SLC25A25: variants seen among roughly 807,000 people sequenced by gnomAD.
SLC25A25 encodes mitochondrial adenyl nucleotide antiporter SLC25A25.
SLC25A25 carries 32 observed loss-of-function variants against 57.7 expected under a neutral mutation model. The observed-to-expected ratio is 0.55, with a 90% confidence interval of 0.42 to 0.74. The LOEUF (loss-of-function observed/expected upper bound fraction) is 0.74. SLC25A25 is among the 30% of genes least tolerant of loss of function. The probability of loss-of-function intolerance (pLI) is 0.00; values close to 1 mark genes in which losing one functional copy is unlikely to be tolerated. For missense variants in SLC25A25, 556 were observed against 701.3 expected, an observed-to-expected ratio of 0.79 and a Z score of 2.34; for synonymous variants, 306 against 291.2, an observed-to-expected ratio of 1.05 and a Z score of -0.52.
chr9:128,106,238 G>A lies in SLC25A25; in HGVS notation c.1025G>A (p.Ser342Asn). 6.2e-7 allele frequency: 1 copy of A among 1,614,190 alleles called. No homozygotes were observed. Among genetic ancestry groups the A allele is most frequent in the Non-Finnish European group, 8.5e-7 (1 of 1,180,032 alleles). Residue 342 changes from serine (S) to asparagine (N), a missense_variant, in exon 8 of 11, where the codon AGC becomes AAC. Physicochemically the swap from Ser to Asn is conservative, Grantham distance 46. Around this residue, in one of 3 missense-constraint regions of SLC25A25, gnomAD observed 294 missense variants for 389.6 expected, o/e 0.75. Coordinates refer to ENST00000373069, the MANE Select transcript of SLC25A25 (RefSeq NM_001330988.2). Reference protein sequence around the residue: ...AGSLAGAIAQSSIYPMEVLKT... With the variant: ...AGSLAGAIAQNSIYPMEVLKT... ...TCCTTGGCAGGGGCCATCGCCCAGA[G>A]CAGCATCTACCCAATGGAGGTGAGG...
chr9:128,106,550 C>T (rs1265798719), intron 9 of SLC25A25, 30 bp downstream of exon 9: 1 of 1,556,858 alleles, frequency 6.4e-7, no homozygotes, highest in Admixed American at 1.9e-5. Flanking sequence ...GATTTAGAAA[C>T]CTCCTCCCAG....
intron 1 of SLC25A25, chr9:128,091,969 A>T: frequency 6.2e-7 from 1 of 1,613,988 alleles, no homozygotes. Context: ...GAGGCACCCC[A>T]GCCCCTGCCT....
intron 1 of SLC25A25, among the ~76,000 whole-genome samples, chr9:128,083,676 A>ATTTTTTTTTTTTT (rs11367855): frequency 7.0e-6 from 1 of 143,190 alleles, no homozygotes. Flanking sequence ...CGCCCAGCGA[A>ATTTTTTTTTTTTT]TTTTTTTTTT....
rs1051236099 is a variant in SLC25A25, at chr9:128,103,305, T to G, written c.625-376T>G. On this transcript the variant is annotated intron_variant, in intron 5 of 10. Transcript: ENST00000373069. This position sits in a 1 kb window ranked among gnomAD's most constrained non-coding sequence, Gnocchi z 6.7. ...GCGTGATCTGGTTACACGTGAGATCTCAGACGGCTCTCACCCCGGCCTGAT... is the reference window on the plus strand; with the variant it reads ...GCGTGATCTGGTTACACGTGAGATCGCAGACGGCTCTCACCCCGGCCTGAT... 4.6e-5 allele frequency among the ~76,000 whole-genome samples: 7 copies of G among 152,198 alleles called. No individual in the cohort carries two copies. The highest frequency in any genetic ancestry group is 3.3e-4 in the Admixed American group (5 of 15,282).
At position 128,103,682 on chromosome 9, in the gene SLC25A25, T is replaced by C; in HGVS notation, c.626T>C (p.Ile209Thr). 6.2e-7 allele frequency: 1 copy of C among 1,614,100 alleles called. No homozygotes were observed. Among genetic ancestry groups the C allele is most frequent in the Non-Finnish European group, 8.5e-7 (1 of 1,179,998 alleles). Residue 209 changes from isoleucine to threonine, a missense_variant and splice_region_variant, in exon 6 of 11, where the codon ATC becomes ACC. This residue lies in a region of SLC25A25 where 14 missense variants were observed against 38.2 expected (regional missense o/e 0.37). Coordinates refer to ENST00000373069, the MANE Select transcript of SLC25A25 (RefSeq NM_001330988.2). This position sits in a 1 kb window ranked among gnomAD's most constrained non-coding sequence, Gnocchi z 6.7. Reference protein sequence around the residue: ...EIILYWKHSTIFDVGENLTVP... With the variant: ...EIILYWKHSTTFDVGENLTVP... ...GGCTTGTGCCATCTTTCCTCACAGA[T>C]CTTTGATGTGGGTGAGAATCTAACG...
chr9:128,075,606 C>T (rs1238128671), intron 1 of SLC25A25, among the ~76,000 whole-genome samples: 1 of 152,144 alleles, frequency 6.6e-6, no homozygotes, highest in African/African-American at 2.4e-5. Context: ...CTTTGGGAGG[C>T]TGAGGCAGGC....
rs1304363083 is a variant in SLC25A25, at chr9:128,107,287, C to A, written c.1391C>A (p.Thr464Asn). 6.3e-7 allele frequency: 1 copy of A among 1,581,964 alleles called. No individual in the cohort carries two copies. Among genetic ancestry groups the A allele is most frequent in the African/African-American group, 1.3e-5 (1 of 74,228 alleles). Reference protein sequence around the residue: ...QASIEGAPEVTMSSLFKHILR... With the variant: ...QASIEGAPEVNMSSLFKHILR... ...TCTATTGAGGGCGCTCCGGAGGTGA[C>A]CATGAGCAGCCTCTTCAAACATATC... The change falls in exon 11 of 11, where the codon ACC becomes AAC. Residue 464 changes from threonine (T) to asparagine (N), a missense_variant. By Grantham distance (65) the Thr-to-Asn change is moderately conservative. Transcript: ENST00000373069.
rs373056648 is a variant in SLC25A25, at chr9:128,105,785, T to C, written c.840T>C (p.Ile280=). ...TCGTTGGTGGCTTCACTCAGATGAT[T>C]CGAGAAGGAGGGGCCAGGTCACTCT... ...MGIVGGFTQM[I]REGGARSLWR... The change falls in exon 7 of 11, where the codon ATT becomes ATC. Residue 280 remains isoleucine, a synonymous_variant. Transcript: ENST00000373069. The C allele has an allele frequency of 9.1e-5, 147 of 1,613,924 alleles. No individual in the cohort carries two copies. The highest frequency in any genetic ancestry group is 1.1e-4 in the Non-Finnish European group (131 of 1,180,044).
chr9:128,091,973 C>T lies in SLC25A25; in HGVS notation c.262-9123C>T, dbSNP rs775001565. 1.7e-5 allele frequency: 27 copies of T among 1,613,960 alleles called. No individual in the cohort carries two copies. In the South Asian group the frequency reaches 2.7e-4, roughly 16 times the overall value. On this transcript the variant is annotated intron_variant, in intron 1 of 10. Coordinates refer to ENST00000373069, the MANE Select transcript of SLC25A25 (RefSeq NM_001330988.2). ...TCGTGAAGTCAGAGGCACCCCAGCC[C>T]CTGCCTGGAGAGACCAGATGGCAAG...
intron 1 of SLC25A25, among the ~76,000 whole-genome samples, chr9:128,078,163 G>C (rs796929961): frequency 5.3e-5 from 8 of 152,240 alleles, no homozygotes; most frequent in African/African-American, 1.9e-4. Context: ...TTGTTGGTAT[G>C]AGGACCTACT....
Position 128,108,410 on chromosome 9 carries a change from A to G in SLC25A25, c.*966A>G. The G allele has an allele frequency of 2.5e-6, 1 of 397,208 alleles. No individual in the cohort carries two copies. Among genetic ancestry groups the G allele is most frequent in the Non-Finnish European group, 4.4e-6 (1 of 225,418 alleles). 24.6% of individuals were successfully genotyped at this position (397,208 alleles called of 1,614,324 possible). The stretch of plus-strand genomic sequence containing the variant: ...AGACGAGGGAGCAGGAGCTTGGCTG[A>G]CTGCTCAGAGTCTGTTCTGACGCCC... On this transcript the variant is annotated 3_prime_UTR_variant, in exon 11 of 11. Coordinates refer to ENST00000373069, the MANE Select transcript of SLC25A25 (RefSeq NM_001330988.2).
chr9:128,091,550 T>TC (rs1833404781), intron 1 of SLC25A25: 1 of 324,868 alleles, frequency 3.1e-6, no homozygotes, highest in Non-Finnish European at 4.3e-6. Flanking sequence ...CCTTTTCTTT[T>TC]TTTTTTTTTT....
At chr9:128,072,642 C>T (rs1832931375) in intron 1 of SLC25A25, among the ~76,000 whole-genome samples, 1 of 152,136 alleles carries the variant, frequency 6.6e-6, no homozygotes, top group Non-Finnish European at 1.5e-5. Flanking sequence ...CGTTGGCAGC[C>T]AGCCAGGGAA....
intron 1 of SLC25A25, among the ~76,000 whole-genome samples, chr9:128,082,139 C>A (rs911335890): frequency 2.0e-5 from 3 of 152,182 alleles, no homozygotes; most frequent in African/African-American, 7.2e-5. Flanking sequence ...AGAAGCCATC[C>A]ACAAGACTGA....
chr9:128,079,710 G>GA (rs1833102900), intron 1 of SLC25A25, among the ~76,000 whole-genome samples: 1 of 150,486 alleles, frequency 6.6e-6, no homozygotes, highest in Admixed American at 6.6e-5. Flanking sequence ...AACCCAGGAG[G>GA]GGCCAGGCGC....
intron 1 of SLC25A25, among the ~76,000 whole-genome samples, chr9:128,080,449 C>T (rs1398691707): frequency 6.8e-6 from 1 of 148,034 alleles, no homozygotes; most frequent in Non-Finnish European, 1.5e-5. Context: ...TTAAAACCAG[C>T]TATGGTACAC....
intron 1 of SLC25A25, chr9:128,091,862 G>C: frequency 6.2e-7 from 1 of 1,604,306 alleles, no homozygotes; most frequent in Non-Finnish European, 8.5e-7. Context: ...GCGTTTGGAG[G>C]AGACCGTGAT....
Position 128,107,297 on chromosome 9 carries a change from C to T in SLC25A25, c.1401C>T (p.Ser467=), listed in dbSNP as rs371151024. Residue 467 remains serine, a synonymous_variant, in exon 11 of 11, where the codon AGC becomes AGT. Coordinates refer to ENST00000373069, the MANE Select transcript of SLC25A25 (RefSeq NM_001330988.2). Reference sequence around the variant, plus strand: ...GCGCTCCGGAGGTGACCATGAGCAGCCTCTTCAAACATATCCTGCGGACCG... The same window carrying T: ...GCGCTCCGGAGGTGACCATGAGCAGTCTCTTCAAACATATCCTGCGGACCG... ...IEGAPEVTMS[S]LFKHILRTEG... is the part of the protein sequence containing the mutation. The T allele has an allele frequency of 3.2e-6, 5 of 1,576,706 alleles. No individual in the cohort carries two copies. The African/African-American group carries it at 6.7e-5, about 21-fold the overall frequency.
intron 1 of SLC25A25, among the ~76,000 whole-genome samples, chr9:128,100,346 G>C (rs527353594): frequency 1.3e-4 from 20 of 150,998 alleles, no homozygotes; most frequent in South Asian, 8.4e-4. Context: ...AGGCGGGGGC[G>C]GGGGGGGTTA....
Sources: allele counts gnomAD v4.1 joint callset (sites outside exome capture counted in the v4.1 genomes callset), GRCh38; gene constraint gnomAD v4.1.1; regional missense constraint gnomAD v4.1.1; non-coding constraint Gnocchi (gnomAD v3.1); transcripts MANE v1.5; gene names NCBI Gene and HGNC (gene_info 2026-07-23, HGNC 2026-07-21).